Variants in CEP290 observed in about 807,000 individuals in gnomAD.
CEP290 encodes centrosomal protein 290, also known as centrosomal protein of 290 kDa.
CEP290 carries 317 observed loss-of-function variants against 344.9 expected under a neutral mutation model. The ratio of observed to expected loss-of-function variants is 0.92; its 90% CI spans 0.84 to 1.01. CEP290 has a LOEUF of 1.01. Ranked by LOEUF, CEP290 falls within the 50% of genes least tolerant of loss-of-function variation. The pLI is 0.00. For synonymous variants in CEP290, 932 were observed against 895.8 expected (o/e 1.04, Z -0.72); for missense variants, 2,754 against 2,761.4 (o/e 1.00, Z 0.06).
intron 44 of CEP290, among the ~76,000 whole-genome samples, 181 bp downstream of exon 44, chr12:88,068,341 T>C (rs1463396229): frequency 6.6e-6 from 1 of 152,010 alleles, no homozygotes. Flanking sequence ...TGTTATTATG[T>C]TAAAAAGGAT....
chr12:88,078,990 TA>T, intron 39 of CEP290, 101 bp downstream of exon 39: 1 of 997,368 alleles, frequency 1.0e-6, no homozygotes, highest in Non-Finnish European at 1.4e-6. Flanking sequence ...CAGTGCATTA[TA>T]AATTCCCTAT....
rs1409872235 is a variant in CEP290, at chr12:88,059,901, T to C, written c.6642A>G (p.Lys2214=). Residue 2214 remains lysine (K), a synonymous_variant, in exon 48 of 54, where the codon AAA becomes AAG. Coordinates refer to ENST00000552810, the MANE Select transcript of CEP290 (RefSeq NM_025114.4). ...TAATCAGTCATAAAAGTCATACTTT[T>C]TTAAGTTCTTTACGAAGCCTTTCAT... ...AENERLRKEL[K]KETDAAEKLR... 14 of 1,578,850 alleles carry C rather than the reference T, an allele frequency of 8.9e-6. No individual in the cohort carries two copies. Among genetic ancestry groups the C allele is most frequent in the Non-Finnish European group, 1.2e-5 (14 of 1,166,698 alleles).
Position 88,126,323 on chromosome 12 carries a change from A to T in CEP290, c.1058T>A (p.Leu353Gln), listed in dbSNP as rs751142320. 6.8e-7 allele frequency: 1 copy of T among 1,479,892 alleles called. No individual in the cohort carries two copies. Among genetic ancestry groups the T allele is most frequent in the South Asian group, 1.4e-5 (1 of 69,078 alleles). The allele number at this position is 1,479,892 out of a possible 1,614,324, so 91.7% of individuals were successfully genotyped here. ...LDADKSNVMA[L>Q]QQGIQERDSQ... is the part of the protein sequence containing the mutation. ...ATTCTGTTAAGATTTTACCTGCTGT[A>T]GAGCCATAACATTACTTTTATCAGC... Residue 353 changes from leucine to glutamine, a missense_variant, in exon 12 of 54, where the codon CTA becomes CAA. By Grantham distance (113) the Leu-to-Gln change is moderately radical. Transcript: ENST00000552810.
At chr12:88,073,896 T>G (rs567108075) in intron 41 of CEP290, among the ~76,000 whole-genome samples, 146 of 152,346 alleles carry the variant, frequency 9.6e-4, no homozygotes, top group African/African-American at 3.4e-3. Context: ...ATTTTTTACC[T>G]TATTTAATTC....
At chr12:88,085,665 T>C (rs1418789992) in intron 34 of CEP290, among the ~76,000 whole-genome samples, 2 of 152,130 alleles carry the variant, frequency 1.3e-5, no homozygotes, top group Non-Finnish European at 2.9e-5. Context: ...CCTTTAACCA[T>C]GCATTAAAGG....
chr12:88,081,007 T>C (rs1210902741), intron 37 of CEP290, among the ~76,000 whole-genome samples: 1 of 152,232 alleles, frequency 6.6e-6, no homozygotes, highest in East Asian at 1.9e-4. Context: ...TTTTAAATAT[T>C]ATGGCTCTTG....
At chr12:88,053,806 G>T in intron 51 of CEP290, 60 bp from the exon 52 acceptor site, 1 of 848,442 alleles carries the variant, frequency 1.2e-6, no homozygotes. Context: ...TAAAATATAT[G>T]GGCATTTCTT....
chr12:88,113,238 C>T (rs1028589980), intron 20 of CEP290, among the ~76,000 whole-genome samples: 1 of 152,204 alleles, frequency 6.6e-6, no homozygotes, highest in South Asian at 2.1e-4. Context: ...CTAAGTAGAG[C>T]TGCCCTTGGA....
rs1381940328 is a variant in CEP290 at position 88,119,155 on chromosome 12, G to A, written c.1523-412C>T. ...TAATTTGGGGTCCTAGCACAACTAC[G>A]GATCCAAGTTAGATACTTTTCACAC... On this transcript the variant is annotated intron_variant, in intron 15 of 53. Coordinates refer to ENST00000552810, the MANE Select transcript of CEP290 (RefSeq NM_025114.4). 2.6e-5 allele frequency among the ~76,000 whole-genome samples: 4 copies of A among 152,022 alleles called. No individual in the cohort carries two copies. The highest frequency in any genetic ancestry group is 4.4e-5 in the Non-Finnish European group (3 of 68,010).
In CEP290 at chr12:88,125,256, T is replaced by C. The variant is rs2138000643; in HGVS notation, c.1179A>G (p.Gln393=). 1 of 834,230 alleles carries C rather than the reference T, an allele frequency of 1.2e-6. No homozygotes were observed. Among genetic ancestry groups the C allele is most frequent in the Non-Finnish European group, 1.7e-6 (1 of 578,924 alleles). The allele number at this position is 834,230 out of a possible 1,614,324, so 51.7% of individuals were successfully genotyped here. Residue 393 remains glutamine, a synonymous_variant, in exon 13 of 54, where the codon CAA becomes CAG. Transcript: ENST00000552810. ...CIIEDLKNEL[Q]RNKGASTLSQ... ...TATTTATAAAAATACCTTTGTTTCT[T>C]TGGAGCTCATTTTTCAAATCTTCAA...
intron 12 of CEP290, 45 bp from the exon 13 acceptor site, chr12:88,125,414 AC>A: frequency 9.7e-7 from 1 of 1,029,912 alleles, no homozygotes; most frequent in Non-Finnish European, 1.3e-6. Context: ...ATGAATATTA[AC>A]CTAAAAAGGT....
Position 88,071,311 on chromosome 12 carries a change from AT to A in CEP290, c.5993del (p.Asn1998MetfsTer6). On this transcript the variant is annotated frameshift_variant, in exon 43 of 54. Transcript: ENST00000552810. LOFTEE classifies it high-confidence loss of function. ...TAGCTTACCTCATATACAATATATC[AT>A]TTTCTAAGTCAAGATTTCTCTTTTT... ...ELKKRNLDLE[N>X]DILYMRAHQA... 6.2e-7 allele frequency: 1 copy of A among 1,606,286 alleles called. No homozygotes were observed. The highest frequency in any genetic ancestry group is 8.5e-7 in the Non-Finnish European group (1 of 1,175,436).
In CEP290 at chr12:88,111,194, T is replaced by G. The variant is rs1373970415; in HGVS notation, c.2367+8A>C. On this transcript the variant is annotated splice_region_variant and intron_variant, in intron 22 of 53. Coordinates refer to ENST00000552810, the MANE Select transcript of CEP290 (RefSeq NM_025114.4). ...AATTTTCAATACCTGTAACAAAATT[T>G]TCAATACCTGTAACAAATGTATTAA... 5.9e-6 allele frequency: 8 copies of G among 1,350,566 alleles called. No homozygotes were observed. The highest frequency in any genetic ancestry group is 1.5e-5 in the African/African-American group (1 of 65,772). The allele number at this position is 1,350,566 out of a possible 1,614,324, so 83.7% of individuals were successfully genotyped here.
intron 49 of CEP290, 73 bp downstream of exon 49, chr12:88,058,775 A>T: frequency 2.1e-6 from 3 of 1,407,478 alleles, no homozygotes; most frequent in Non-Finnish European, 2.9e-6. Flanking sequence ...TATCCAGAAT[A>T]GTGTTGTCTT....
At chr12:88,128,025 T>G (rs1297986878) in intron 11 of CEP290, among the ~76,000 whole-genome samples, 1 of 152,204 alleles carries the variant, frequency 6.6e-6, no homozygotes, top group Admixed American at 6.5e-5. Flanking sequence ...GTTGGTAGAC[T>G]ATGGCCCAAA....
At chr12:88,083,727 CAGA>C (rs1326024293) in intron 36 of CEP290, 117 bp downstream of exon 36, 1 of 679,638 alleles carries the variant, frequency 1.5e-6, no homozygotes, top group Non-Finnish European at 2.6e-6. Flanking sequence ...GCTATGTTTT[CAGA>C]AGATTATTTT....
In CEP290 at chr12:88,068,559, T is replaced by C. The variant is rs756608200; in HGVS notation, c.6098A>G (p.Glu2033Gly). 24 of 1,582,954 alleles carry C rather than the reference T, an allele frequency of 1.5e-5. No individual in the cohort carries two copies. Among genetic ancestry groups the C allele is most frequent in the Non-Finnish European group, 1.7e-5 (20 of 1,165,748 alleles). The change falls in exon 44 of 54, where the codon GAA (glutamate) becomes GGA (glycine). Residue 2033 changes from glutamate to glycine, a missense_variant. Transcript: ENST00000552810. Reference protein sequence around the residue: ...RYLQEKLHALEKQFSKDTYSK... With the variant: ...RYLQEKLHALGKQFSKDTYSK... Reference sequence around the variant, plus strand: ...ATATGTATCCTTTGAAAACTGTTTTTCTAAAGCATGAAGTTTTTCTTGGAG... The same window carrying C: ...ATATGTATCCTTTGAAAACTGTTTTCCTAAAGCATGAAGTTTTTCTTGGAG...
Position 88,141,294 on chromosome 12 carries a change from A to C in CEP290, c.14T>G (p.Ile5Arg), listed in dbSNP as rs1434632102. ...AACTTTCATTATTTCTTTCCAGTTT[A>C]TATTAGGTGGCATCTTGAATTCTTT... MPPNINWKEIMKVDP... is the reference protein window; with the variant it reads MPPNRNWKEIMKVDP... The change falls in exon 2 of 54, where the codon ATA (isoleucine) becomes AGA (arginine). Residue 5 changes from isoleucine (I) to arginine (R), a missense_variant. Physicochemically the swap from Ile to Arg is moderately conservative, Grantham distance 97 (BLOSUM62 -3). Coordinates refer to ENST00000552810, the MANE Select transcript of CEP290 (RefSeq NM_025114.4). 5 of 1,610,506 alleles carry C rather than the reference A, an allele frequency of 3.1e-6. No individual in the cohort carries two copies. The East Asian group carries it at 1.1e-4, about 36-fold the overall frequency.
At chr12:88,077,978 G>A in intron 39 of CEP290, 60 bp from the exon 40 acceptor site, 6 of 726,062 alleles carry the variant, frequency 8.3e-6, no homozygotes, top group East Asian at 3.1e-5. Context: ...AATGATAAAA[G>A]GAACATAAAA....
Sources: gnomAD v4.1 joint callset for allele counts (sites outside exome capture counted in the v4.1 genomes callset) on GRCh38, gnomAD v4.1.1 for gene constraint, MANE v1.5 for transcripts, NCBI Gene and HGNC (gene_info 2026-07-23, HGNC 2026-07-21) for gene names.